The following AOAH variants were observed in gnomAD, a reference collection of about 807,000 sequenced individuals.
The protein encoded by AOAH is acyloxyacyl hydrolase (neutrophil).
In AOAH, 64 loss-of-function variants were observed where a neutral mutation model predicts 92.2. The observed-to-expected ratio is 0.69, with a 90% CI of 0.57 to 0.86. The LOEUF is 0.86. AOAH is among the 40% of genes least tolerant of loss of function. The pLI, the probability that AOAH is intolerant of heterozygous loss-of-function variation, is 0.00. For synonymous variants in AOAH, 263 were observed against 254.5 expected (o/e 1.03, Z -0.32); for missense variants, 656 against 694.6 (o/e 0.94, Z 0.62).
chr7:36,523,629 GTTTTTTT>G (rs57628897), intron 19 of AOAH, among the ~76,000 whole-genome samples: 11 of 100,138 alleles, frequency 1.1e-4, no homozygotes, highest in African/African-American at 3.6e-4. Context: ...TGTTTTGCCT[GTTTTTTT>G]TTTTTTTTTT....
Position 36,637,884 on chromosome 7 carries a change from C to T in AOAH, c.417G>A (p.Lys139=), listed in dbSNP as rs1793632447. The change falls in exon 5 of 21, where the codon AAG becomes AAA. Residue 139 remains lysine, a synonymous_variant. Transcript: ENST00000617537. ...GGGACTTCTTGACAATTTGTCTTGC[C>T]TTCTGTAGTGTAAATTTCCATGTCT... is the stretch of plus-strand genomic sequence containing the variant. ...PKETWKFTLQ[K]ARQIVKKSPI... The T allele has an allele frequency of 6.2e-7, 1 of 1,614,006 alleles. No homozygotes were observed. Among genetic ancestry groups the T allele is most frequent in the Admixed American group, 1.7e-5 (1 of 60,016 alleles).
chr7:36,549,548 T>A, intron 13 of AOAH, 73 bp from the exon 14 acceptor site: 1 of 1,015,542 alleles, frequency 9.8e-7, no homozygotes, highest in Non-Finnish European at 1.5e-6. Flanking sequence ...GGGAGTCTGA[T>A]TGACTGAACT....
intron 20 of AOAH, among the ~76,000 whole-genome samples, chr7:36,517,230 C>CTTTTCTTTCTCTTTCTTTCTG (rs1205876365): frequency 8.4e-5 from 7 of 83,104 alleles, no homozygotes; most frequent in African/African-American, 3.7e-4. Flanking sequence ...CTTTCTGTCT[C>CTTTTCTTTCTCTTTCTTTCTG]TCTCTCTCTC....
At chr7:36,667,116 C>A (rs531330138) in intron 3 of AOAH, among the ~76,000 whole-genome samples, 2 of 152,112 alleles carry the variant, frequency 1.3e-5, no homozygotes, top group Non-Finnish European at 2.9e-5. Context: ...AGTAGTCCCC[C>A]CTTATCTGAA....
intron 13 of AOAH, among the ~76,000 whole-genome samples, chr7:36,552,164 C>G (rs900843442): frequency 6.6e-6 from 1 of 152,178 alleles, no homozygotes; most frequent in Non-Finnish European, 1.5e-5. Context: ...GCCCAGCACT[C>G]CCACAACAGG....
At chr7:36,579,190 G>A (rs991102493) in intron 12 of AOAH, among the ~76,000 whole-genome samples, 1 of 151,794 alleles carries the variant, frequency 6.6e-6, no homozygotes, top group African/African-American at 2.4e-5. Context: ...GCCCTATGTA[G>A]CTGAACTGAA....
chr7:36,605,946 A>T (rs777494157), intron 11 of AOAH, among the ~76,000 whole-genome samples: 65 of 152,236 alleles, frequency 4.3e-4, no homozygotes, highest in Non-Finnish European at 7.6e-4. Context: ...ACTAGGATTG[A>T]GGTTTCTCTC....
chr7:36,629,232 T>C (rs1792892863), intron 6 of AOAH, among the ~76,000 whole-genome samples: 1 of 152,172 alleles, frequency 6.6e-6, no homozygotes, highest in Admixed American at 6.5e-5. Context: ...GAAAACACAG[T>C]TTTTGCTTTT....
At chr7:36,678,600 T>TGTGTGTGTGTGTGTGTGTGCGCGC (rs549317369) in intron 2 of AOAH, among the ~76,000 whole-genome samples, 57 of 131,092 alleles carry the variant, frequency 4.3e-4, no homozygotes, top group Non-Finnish European at 6.6e-4. Flanking sequence ...TGTGTGTGTG[T>TGTGTGTGTGTGTGTGTGTGCGCGC]GCGCGCGCGC....
chr7:36,693,077 A>G (rs1797507268), intron 1 of AOAH, among the ~76,000 whole-genome samples: 1 of 152,200 alleles, frequency 6.6e-6, no homozygotes, highest in South Asian at 2.1e-4. Context: ...TGAGAGAGGT[A>G]GGAAGGGGCT....
intron 20 of AOAH, 21 bp from the exon 21 acceptor site, chr7:36,513,401 G>A (rs1790157815): frequency 6.2e-7 from 1 of 1,609,012 alleles, no homozygotes; most frequent in African/African-American, 1.3e-5. Flanking sequence ...GAACCCAAAG[G>A]ACGAGGAAAA....
At chr7:36,584,392 G>GA (rs1239141159) in intron 12 of AOAH, among the ~76,000 whole-genome samples, 8 of 152,198 alleles carry the variant, frequency 5.3e-5, no homozygotes, top group Admixed American at 4.6e-4. Context: ...TTCTACTAGA[G>GA]AAATCTGTAG....
intron 13 of AOAH, among the ~76,000 whole-genome samples, chr7:36,567,242 G>A (rs532438051): frequency 6.6e-6 from 1 of 152,280 alleles, no homozygotes; most frequent in African/African-American, 2.4e-5. Flanking sequence ...AGGCTCATAT[G>A]GATTCCCTGC....
At chr7:36,569,757 C>G (rs1159031616) in intron 13 of AOAH, among the ~76,000 whole-genome samples, 1 of 151,934 alleles carries the variant, frequency 6.6e-6, no homozygotes, top group Non-Finnish European at 1.5e-5. Flanking sequence ...ATTACAGGCA[C>G]CTGCCACCAT....
intron 20 of AOAH, among the ~76,000 whole-genome samples, chr7:36,517,292 CT>C (rs1452302395): frequency 2.5e-5 from 2 of 81,590 alleles, no homozygotes; most frequent in Non-Finnish European, 5.8e-5. Flanking sequence ...TTCTTTCTTT[CT>C]TTCCTTTCTT....
At chr7:36,720,987 ACTT>A (rs1799594838) in intron 1 of AOAH, among the ~76,000 whole-genome samples, 1 of 151,980 alleles carries the variant, frequency 6.6e-6, no homozygotes, top group African/African-American at 2.4e-5. Context: ...TCTTCCACAC[ACTT>A]CTTCCTCTTC....
intron 2 of AOAH, among the ~76,000 whole-genome samples, chr7:36,684,133 G>C (rs1184313545): frequency 6.6e-6 from 1 of 152,214 alleles, no homozygotes; most frequent in African/African-American, 2.4e-5. Flanking sequence ...CCTCAGGCTT[G>C]ATATGTACCA....
intron 15 of AOAH, among the ~76,000 whole-genome samples, chr7:36,547,272 A>C (rs1184614135): frequency 6.6e-6 from 1 of 152,210 alleles, no homozygotes; most frequent in African/African-American, 2.4e-5. Flanking sequence ...TGGGGACAGC[A>C]GTAAACCAGC....
chr7:36,622,452 C>T (rs1052399737), intron 7 of AOAH, among the ~76,000 whole-genome samples: 16 of 152,206 alleles, frequency 1.1e-4, no homozygotes, highest in African/African-American at 3.6e-4. Context: ...TTTCCTCCAT[C>T]CCCAAGTAGA....
Sources: gnomAD v4.1 joint callset for allele counts (sites outside exome capture counted in the v4.1 genomes callset) on GRCh38, gnomAD v4.1.1 for gene constraint, MANE v1.5 for transcripts, NCBI Gene and HGNC (gene_info 2026-07-23, HGNC 2026-07-21) for gene names.